The following USP15 variants were observed in gnomAD, a reference collection of about 807,000 sequenced individuals.
USP15 encodes the protein ubiquitin carboxyl-terminal hydrolase 15.
A neutral mutation model predicts 127.1 loss-of-function variants in USP15; 18 were observed. The ratio of observed to expected loss-of-function variants is 0.14; its 90% CI spans 0.10 to 0.21. The LOEUF is 0.21. Ranked by LOEUF, USP15 falls within the 10% of genes least tolerant of loss-of-function variation. The pLI is 1.00. For synonymous variants in USP15, 364 were observed against 393.7 expected (o/e 0.92, Z 0.89); for missense variants, 805 against 1,159.9 (o/e 0.69, Z 4.44).
chr12:62,313,622 A>C (rs2064746124), intron 3 of USP15, among the ~76,000 whole-genome samples: 1 of 151,828 alleles, frequency 6.6e-6, no homozygotes, highest in East Asian at 1.9e-4. Flanking sequence ...ATGTTACTAC[A>C]TTTGTAACCA....
chr12:62,270,450 G>A (rs1034694662), intron 1 of USP15, among the ~76,000 whole-genome samples: 2 of 152,054 alleles, frequency 1.3e-5, no homozygotes, highest in Non-Finnish European at 2.9e-5. Context: ...TCAAGGTCAT[G>A]AGGATTTACT....
chr12:62,305,716 T>C (rs745999388), intron 3 of USP15: 2 of 152,154 alleles, frequency 1.3e-5, no homozygotes, highest in African/African-American at 2.4e-5. Context: ...AGTGTTAGCA[T>C]GTAAGTTAAG....
chr12:62,302,762 G>A (rs779748654), intron 2 of USP15, 28 bp from the exon 3 acceptor site: 3 of 1,591,436 alleles, frequency 1.9e-6, no homozygotes, highest in African/African-American at 1.3e-5. Context: ...TTTAGAGTTA[G>A]GTATTGAGTT....
At chr12:62,299,855 G>T (rs761904929) in intron 2 of USP15, among the ~76,000 whole-genome samples, 1 of 152,066 alleles carries the variant, frequency 6.6e-6, no homozygotes, top group Non-Finnish European at 1.5e-5. Flanking sequence ...TATTATAGCC[G>T]TCCAAGTGGG....
chr12:62,359,897 G>A (rs1287792873), intron 8 of USP15, among the ~76,000 whole-genome samples: 1 of 152,092 alleles, frequency 6.6e-6, no homozygotes, highest in Non-Finnish European at 1.5e-5. Context: ...ATACCACCAT[G>A]TCCCATTGGT....
chr12:62,364,044 A>T (rs2066400278), intron 8 of USP15, among the ~76,000 whole-genome samples: 1 of 152,160 alleles, frequency 6.6e-6, no homozygotes, highest in African/African-American at 2.4e-5. Context: ...TATGGAATGT[A>T]GATCAGAGGC....
At chr12:62,267,920 T>G (rs1191124973) in intron 1 of USP15, among the ~76,000 whole-genome samples, 2 of 152,132 alleles carry the variant, frequency 1.3e-5, no homozygotes, top group Admixed American at 6.5e-5. Context: ...TAACAAAGTT[T>G]AACAGGTTAG....
At chr12:62,392,151 T>C in intron 17 of USP15, 121 bp from the exon 18 acceptor site, 1 of 765,360 alleles carries the variant, frequency 1.3e-6, no homozygotes, top group Non-Finnish European at 2.1e-6. Flanking sequence ...TCAACTGAAA[T>C]AAGCTTTATG....
Position 62,408,675 on chromosome 12 carries a change from A to G in USP15, c.*4300A>G, listed in dbSNP as rs1592755730. The G allele has an allele frequency of 6.6e-6, 1 of 152,176 alleles. No homozygotes were observed. The highest frequency in any genetic ancestry group is 1.5e-5 in the Non-Finnish European group (1 of 68,024). The allele number at this position is 152,176 out of a possible 1,614,324, so 9.4% of individuals were successfully genotyped here. A position where few individuals can be genotyped will look rare whatever the true frequency, so the allele number is the denominator to read the frequency against. Reference sequence around the variant, plus strand: ...TAATTCTTCTAAGTACCACTTGACCAGAGGATAGGGAAAGGAGGAAAAGGT... The same window carrying G: ...TAATTCTTCTAAGTACCACTTGACCGGAGGATAGGGAAAGGAGGAAAAGGT... On this transcript the variant is annotated 3_prime_UTR_variant, in exon 22 of 22. Coordinates refer to ENST00000280377, the MANE Select transcript of USP15 (RefSeq NM_001252078.2).
Position 62,404,810 on chromosome 12 carries a change from A to G in USP15, c.*435A>G, listed in dbSNP as rs981086750. On this transcript the variant is annotated 3_prime_UTR_variant, in exon 22 of 22. Transcript: ENST00000280377. ...TAGTTCATGTGCATTAGGCTGCCGT[A>G]TATACTACTATGATATTTAGCTGCA... 6.5e-6 allele frequency: 1 copy of G among 153,348 alleles called. No homozygotes were observed. Among genetic ancestry groups the G allele is most frequent in the African/African-American group, 2.4e-5 (1 of 41,462 alleles). 9.5% of individuals were successfully genotyped at this position (153,348 alleles called of 1,614,324 possible).
intron 11 of USP15, among the ~76,000 whole-genome samples, chr12:62,388,421 C>T (rs2067224676): frequency 6.6e-6 from 1 of 152,198 alleles, no homozygotes; most frequent in Non-Finnish European, 1.5e-5. Context: ...GCGTGAGCCA[C>T]TGGGCCCAGC....
chr12:62,327,383 A>G (rs897559214), intron 6 of USP15, among the ~76,000 whole-genome samples: 1 of 152,106 alleles, frequency 6.6e-6, no homozygotes, highest in Non-Finnish European at 1.5e-5. Flanking sequence ...TGTGGGTTGA[A>G]TTATGGAGAT....
At chr12:62,344,417 C>T (rs1437909914) in intron 6 of USP15, among the ~76,000 whole-genome samples, 3 of 152,204 alleles carry the variant, frequency 2.0e-5, no homozygotes, top group Non-Finnish European at 4.4e-5. Context: ...GAGGTGGGCT[C>T]CCACAGCCTT....
intron 20 of USP15, 97 bp downstream of exon 20, chr12:62,396,495 T>G: frequency 9.6e-7 from 1 of 1,042,550 alleles, no homozygotes; most frequent in Non-Finnish European, 1.5e-6. Flanking sequence ...GGATAAAATA[T>G]CAGATGTGTC....
intron 1 of USP15, among the ~76,000 whole-genome samples, chr12:62,272,318 A>G (rs1044426046): frequency 5.3e-5 from 8 of 151,978 alleles, no homozygotes; most frequent in East Asian, 1.9e-4. Flanking sequence ...TTTTACTTAT[A>G]AAAGGACTGC....
intron 6 of USP15, among the ~76,000 whole-genome samples, chr12:62,337,618 C>T (rs997374213): frequency 6.6e-6 from 1 of 151,894 alleles, no homozygotes; most frequent in East Asian, 1.9e-4. Context: ...TGTCCTAATG[C>T]TCTCCCTCCC....
intron 1 of USP15, among the ~76,000 whole-genome samples, chr12:62,264,179 T>TC (rs1242414234): frequency 6.6e-6 from 1 of 152,108 alleles, no homozygotes; most frequent in East Asian, 1.9e-4. Flanking sequence ...AGACAGGGTT[T>TC]CCCCATGTTA....
At chr12:62,323,868 T>G (rs1291343551) in intron 5 of USP15, among the ~76,000 whole-genome samples, 1 of 152,112 alleles carries the variant, frequency 6.6e-6, no homozygotes, top group Non-Finnish European at 1.5e-5. Flanking sequence ...AGAAAATAAT[T>G]TAATAAGATT....
At chr12:62,342,357 T>C (rs1366109181) in intron 6 of USP15, among the ~76,000 whole-genome samples, 2 of 152,124 alleles carry the variant, frequency 1.3e-5, no homozygotes, top group African/African-American at 4.8e-5. Context: ...GGTTAGAACA[T>C]GCTGCTTTAG....
Sources: allele counts gnomAD v4.1 joint callset (sites outside exome capture counted in the v4.1 genomes callset), GRCh38; gene constraint gnomAD v4.1.1; transcripts MANE v1.5; gene names NCBI Gene and HGNC (gene_info 2026-07-23, HGNC 2026-07-21).